The following MAP4K4 variants were observed in gnomAD, a reference collection of about 807,000 sequenced individuals.
The protein encoded by MAP4K4 is mitogen-activated protein kinase kinase kinase kinase 4, also known as HPK/GCK-like kinase HGK.
Under a neutral mutation model 189.6 loss-of-function variants are expected in MAP4K4, and 38 were observed. The ratio of observed to expected loss-of-function variants is 0.20; its 90% CI spans 0.15 to 0.26. MAP4K4 has a LOEUF of 0.26. MAP4K4 is among the 10% of genes least tolerant of loss of function. The pLI, the probability that MAP4K4 is intolerant of heterozygous loss-of-function variation, is 1.00. For synonymous variants in MAP4K4, 610 were observed against 624.3 expected (o/e 0.98, Z 0.34); for missense variants, 1,054 against 1,726.9 (o/e 0.61, Z 6.91).
chr2:101,797,888 A>AGT lies in MAP4K4; in HGVS notation c.180+7113_180+7114dup, dbSNP rs199556837. Among the ~76,000 whole-genome samples, 70 of 7,616 alleles carry AGT rather than the reference A, an allele frequency of 9.2e-3. 17 individuals carry two copies. Among genetic ancestry groups the AGT allele is most frequent in the African/African-American group, 0.04 (56 of 1,408 alleles). The allele number at this position is 7,616 out of a possible 152,430, so 5.0% of individuals were successfully genotyped here. A position where few individuals can be genotyped will look rare whatever the true frequency, so the allele number is the denominator to read the frequency against. On this transcript the variant is annotated intron_variant, in intron 3 of 32. Transcript: ENST00000324219. Reference sequence around the variant, plus strand: ...ATGAAGCTTTTTAAAACATTCTTTTAGTTTTTTTTTTTTTTTTTTTTTGGA... The same window carrying AGT: ...ATGAAGCTTTTTAAAACATTCTTTTAGTGTTTTTTTTTTTTTTTTTTTTTGGA...
intron 3 of MAP4K4, among the ~76,000 whole-genome samples, chr2:101,816,127 C>G (rs2095698662): frequency 6.6e-6 from 1 of 152,162 alleles, no homozygotes; most frequent in South Asian, 2.1e-4. Context: ...GGGCAGTAAG[C>G]TGGAGTCTGC....
intron 3 of MAP4K4, among the ~76,000 whole-genome samples, chr2:101,794,800 G>C (rs1385568311): frequency 6.6e-6 from 1 of 151,284 alleles, no homozygotes; most frequent in African/African-American, 2.4e-5. Flanking sequence ...TTACTTTCCT[G>C]CCTCCATTTT....
intron 32 of MAP4K4, among the ~76,000 whole-genome samples, chr2:101,890,402 C>T (rs891041371): frequency 6.6e-6 from 1 of 152,150 alleles, no homozygotes; most frequent in Non-Finnish European, 1.5e-5. Flanking sequence ...CAGATGGTCA[C>T]TCCTTACAAA....
chr2:101,790,674 C>T, intron 2 of MAP4K4, 46 bp from the exon 3 acceptor site: 2 of 1,433,122 alleles, frequency 1.4e-6, no homozygotes, highest in Non-Finnish European at 1.9e-6. Flanking sequence ...AATGATTGTG[C>T]AAAAAAATTG....
chr2:101,765,825 C>T (rs2078393709), intron 2 of MAP4K4, among the ~76,000 whole-genome samples: 2 of 152,026 alleles, frequency 1.3e-5, no homozygotes, highest in Non-Finnish European at 2.9e-5. Context: ...TAAAAGTAGA[C>T]AAAATAGTAT....
At chr2:101,844,878 G>A (rs1383994480) in intron 12 of MAP4K4, among the ~76,000 whole-genome samples, 15 of 152,092 alleles carry the variant, frequency 9.9e-5, no homozygotes, top group Non-Finnish European at 1.5e-5. Flanking sequence ...CATGGCACAC[G>A]TTTACCTATG....
At chr2:101,710,887 A>G (rs1418165753) in intron 2 of MAP4K4, among the ~76,000 whole-genome samples, 1 of 152,182 alleles carries the variant, frequency 6.6e-6, no homozygotes, top group Non-Finnish European at 1.5e-5. Context: ...TCCATTGATT[A>G]TGGTAATTGA....
intron 9 of MAP4K4, 111 bp downstream of exon 9, chr2:101,836,089 C>A: frequency 1.4e-6 from 1 of 727,778 alleles, no homozygotes; most frequent in Non-Finnish European, 2.3e-6. Flanking sequence ...CTGGGGAACC[C>A]AAGAGCCAGT....
At chr2:101,892,691 C>G (rs914939329) in exon 33 of MAP4K4, 3 of 340,222 alleles carry the variant, frequency 8.8e-6, no homozygotes, top group Non-Finnish European at 1.7e-5. Context: ...GGTGTAATAT[C>G]GAAGTCCTGG....
intron 2 of MAP4K4, among the ~76,000 whole-genome samples, chr2:101,759,747 T>C: frequency 2.9e-5 from 1 of 34,428 alleles, no homozygotes. Context: ...CCCTCCCCCT[T>C]TTCTCTCCCC....
At chr2:101,754,247 C>T (rs1194541293) in intron 2 of MAP4K4, among the ~76,000 whole-genome samples, 1 of 151,674 alleles carries the variant, frequency 6.6e-6, no homozygotes, top group Non-Finnish European at 1.5e-5. Context: ...CCACCCGATT[C>T]TGCCAACTCT....
intron 18 of MAP4K4, among the ~76,000 whole-genome samples, chr2:101,865,340 G>A (rs2097781158): frequency 6.6e-6 from 1 of 152,110 alleles, no homozygotes; most frequent in Non-Finnish European, 1.5e-5. Context: ...TTGTGATCGG[G>A]GGGAGCTTTT....
At chr2:101,748,450 T>A (rs894017025) in intron 2 of MAP4K4, among the ~76,000 whole-genome samples, 3 of 152,192 alleles carry the variant, frequency 2.0e-5, no homozygotes, top group African/African-American at 7.2e-5. Context: ...CTTTCATGCG[T>A]CCATGTAATT....
At chr2:101,701,362 G>A (rs2038608011) in intron 2 of MAP4K4, among the ~76,000 whole-genome samples, 1 of 152,156 alleles carries the variant, frequency 6.6e-6, no homozygotes, top group African/African-American at 2.4e-5. Flanking sequence ...GGGAGGGGGA[G>A]GGGTGTGTGT....
intron 3 of MAP4K4, among the ~76,000 whole-genome samples, chr2:101,817,378 A>AT (rs1161343787): frequency 1.3e-5 from 2 of 152,056 alleles, no homozygotes; most frequent in African/African-American, 4.8e-5. Context: ...TCAGACATGT[A>AT]TTTTGTCCTC....
intron 2 of MAP4K4, among the ~76,000 whole-genome samples, chr2:101,703,879 C>G (rs904650889): frequency 3.3e-5 from 5 of 151,800 alleles, no homozygotes; most frequent in Non-Finnish European, 1.5e-5. Flanking sequence ...GGCGTGGTGG[C>G]GCGTGCCTCT....
At chr2:101,815,896 G>A (rs1025023559) in intron 3 of MAP4K4, among the ~76,000 whole-genome samples, 1 of 152,122 alleles carries the variant, frequency 6.6e-6, no homozygotes, top group East Asian at 1.9e-4. Context: ...CCTTACCTCA[G>A]GTGGTTTCCG....
At chr2:101,800,746 A>G (rs1468332883) in intron 3 of MAP4K4, among the ~76,000 whole-genome samples, 1 of 152,208 alleles carries the variant, frequency 6.6e-6, no homozygotes, top group Non-Finnish European at 1.5e-5. Context: ...TTATTTAAAC[A>G]AGTACTGAAC....
At chr2:101,858,110 A>G (rs970111653) in intron 13 of MAP4K4, among the ~76,000 whole-genome samples, 1 of 152,024 alleles carries the variant, frequency 6.6e-6, no homozygotes, top group Non-Finnish European at 1.5e-5. Flanking sequence ...GGGAGAGGAG[A>G]TTTTGGATGC....
Sources: allele counts gnomAD v4.1 joint callset (sites outside exome capture counted in the v4.1 genomes callset), GRCh38; gene constraint gnomAD v4.1.1; transcripts MANE v1.5; gene names NCBI Gene and HGNC (gene_info 2026-07-23, HGNC 2026-07-21).